Variants in TENM2 observed in about 807,000 individuals in gnomAD.
TENM2 encodes the protein teneurin-2.
A neutral mutation model predicts 245.2 loss-of-function variants in TENM2; 52 were observed. The ratio of observed to expected loss-of-function variants is 0.21; its 90% CI spans 0.17 to 0.27. The LOEUF is 0.27. Ranked by LOEUF, TENM2 falls within the 10% of genes least tolerant of loss-of-function variation. TENM2 has a pLI of 1.00. For missense variants in TENM2, 3,046 were observed against 3,666.8 expected, an observed-to-expected ratio of 0.83 and a Z score of 4.37; for synonymous variants, 1,363 against 1,438.9, an observed-to-expected ratio of 0.95 and a Z score of 1.19.
At chr5:167,309,236 C>T (rs369966412) in intron 1 of TENM2, among the ~76,000 whole-genome samples, 22 of 152,034 alleles carry the variant, frequency 1.4e-4, no homozygotes, top group African/African-American at 4.8e-4. Context: ...CAAAGATGGC[C>T]GCTCTCCCTT....
the TENM2 span, among the ~76,000 whole-genome samples, chr5:167,017,221 C>T: frequency 6.6e-6 from 1 of 152,132 alleles, no homozygotes; most frequent in Non-Finnish European, 1.5e-5. Flanking sequence ...ATTGGTGGTC[C>T]TTAAACTTAT....
At chr5:167,859,413 C>T (rs879386022) in intron 2 of TENM2, among the ~76,000 whole-genome samples, 1,475 of 141,126 alleles carry the variant, frequency 0.01, 1 homozygote, top group Admixed American at 0.017. Context: ...CCAGCCGCCC[C>T]GTCCGGGAGG....
chr5:167,365,894 A>C (rs984737277), intron 1 of TENM2, among the ~76,000 whole-genome samples: 2 of 152,032 alleles, frequency 1.3e-5, no homozygotes, highest in African/African-American at 4.8e-5. Context: ...GTAATGCATA[A>C]AATGTATAGC....
At chr5:167,566,731 A>C (rs1051627769) in intron 2 of TENM2, among the ~76,000 whole-genome samples, 1 of 152,198 alleles carries the variant, frequency 6.6e-6, no homozygotes, top group Non-Finnish European at 1.5e-5. Context: ...CCTGTATTCA[A>C]CTCAATGGAG....
intron 2 of TENM2, among the ~76,000 whole-genome samples, chr5:167,525,194 G>A (rs1771027627): frequency 1.3e-5 from 2 of 152,062 alleles, no homozygotes; most frequent in African/African-American, 2.4e-5. Flanking sequence ...CTTTGAATGC[G>A]CAAATCTGTG....
intron 5 of TENM2, among the ~76,000 whole-genome samples, chr5:168,019,609 C>G (rs1004482949): frequency 1.3e-5 from 2 of 151,962 alleles, no homozygotes; most frequent in African/African-American, 4.8e-5. Flanking sequence ...GAGCCAGCCC[C>G]TGGGAAAAAG....
chr5:167,530,588 G>C (rs1012493989), intron 2 of TENM2, among the ~76,000 whole-genome samples: 1 of 152,136 alleles, frequency 6.6e-6, no homozygotes, highest in Non-Finnish European at 1.5e-5. Flanking sequence ...TCGATCCCCT[G>C]CTGTCAAAAT....
chr5:167,321,782 C>CTTTTTTTTTTTTTTTTTTTTTTTTGT (rs1191717159), intron 1 of TENM2, among the ~76,000 whole-genome samples: 1 of 59,738 alleles, frequency 1.7e-5, no homozygotes. Context: ...GCTGCCTTGG[C>CTTTTTTTTTTTTTTTTTTTTTTTTGT]TTATTTTTTT....
intron 13 of TENM2, among the ~76,000 whole-genome samples, chr5:168,185,597 A>G (rs1228376733): frequency 1.3e-5 from 2 of 152,106 alleles, no homozygotes; most frequent in African/African-American, 4.8e-5. Context: ...ATAATCTGAC[A>G]TTTAAGAGTT....
intron 2 of TENM2, among the ~76,000 whole-genome samples, chr5:167,588,009 A>G (rs1348507375): frequency 6.6e-6 from 1 of 152,180 alleles, no homozygotes; most frequent in Non-Finnish European, 1.5e-5. Flanking sequence ...TGAGATCCAA[A>G]GAGGCAACCA....
the TENM2 span, among the ~76,000 whole-genome samples, chr5:167,060,874 A>G: frequency 6.6e-6 from 1 of 151,950 alleles, no homozygotes; most frequent in Non-Finnish European, 1.5e-5. Flanking sequence ...CATGGCTGGC[A>G]TATTGGACAT....
intron 2 of TENM2, among the ~76,000 whole-genome samples, chr5:167,457,859 C>G (rs1348059152): frequency 6.6e-6 from 1 of 152,094 alleles, no homozygotes; most frequent in South Asian, 2.1e-4. Flanking sequence ...CATCCCATTC[C>G]TAAGTCATTG....
intron 1 of TENM2, among the ~76,000 whole-genome samples, chr5:167,292,037 G>T (rs1754670953): frequency 6.6e-6 from 1 of 152,176 alleles, no homozygotes; most frequent in African/African-American, 2.4e-5. Context: ...CACCTGTACA[G>T]AGGAACTGCC....
rs537267458 is a variant in TENM2 at position 167,448,269 on chromosome 5, T to C, written c.502+72796T>C. On this transcript the variant is annotated intron_variant, in intron 2 of 28. Coordinates refer to ENST00000518659, the Ensembl canonical transcript of TENM2. ...GAAAGGGGAGTTAGTGCCAGGGCAA[T>C]TGTGCAAATGGTGAGGGTGGTGGAA... Among the ~76,000 whole-genome samples, 4 of 152,060 alleles carry C rather than the reference T, an allele frequency of 2.6e-5. No individual in the cohort carries two copies. In the East Asian group the frequency reaches 7.8e-4, roughly 30 times the overall value.
At chr5:167,233,284 T>A in the TENM2 span, among the ~76,000 whole-genome samples, 1 of 152,246 alleles carries the variant, frequency 6.6e-6, no homozygotes, top group African/African-American at 2.4e-5. Flanking sequence ...TCAAACTTTC[T>A]TTTAAAATGA....
chr5:167,317,521 C>T (rs1176880841), intron 1 of TENM2, among the ~76,000 whole-genome samples: 1 of 152,110 alleles, frequency 6.6e-6, no homozygotes, highest in African/African-American at 2.4e-5. Flanking sequence ...GAGCATCTGT[C>T]TATTATTCCT....
chr5:167,926,022 G>A (rs1004660951), intron 3 of TENM2, among the ~76,000 whole-genome samples: 4 of 152,134 alleles, frequency 2.6e-5, no homozygotes, highest in African/African-American at 9.7e-5. Flanking sequence ...TAACGCCTGG[G>A]TGATGAAATA....
the TENM2 span, among the ~76,000 whole-genome samples, chr5:167,070,132 T>TATTTA: frequency 5.3e-5 from 8 of 150,326 alleles, no homozygotes; most frequent in African/African-American, 9.8e-5. Context: ...TTTATTTATT[T>TATTTA]TTTGAGACAG....
chr5:167,760,842 C>T (rs970722234), intron 2 of TENM2, among the ~76,000 whole-genome samples: 25 of 152,202 alleles, frequency 1.6e-4, no homozygotes, highest in East Asian at 5.8e-4. Context: ...TTAGTAGAGA[C>T]GGGTCACCAT....
Sources: gnomAD v4.1 joint callset for allele counts (sites outside exome capture counted in the v4.1 genomes callset) on GRCh38, gnomAD v4.1.1 for gene constraint, MANE v1.5 for transcripts, NCBI Gene and HGNC (gene_info 2026-07-23, HGNC 2026-07-21) for gene names.